The following ASIC2 variants were observed in gnomAD, a reference collection of about 807,000 sequenced individuals.
ASIC2 encodes acid sensing ion channel subunit 2.
ASIC2 carries 25 observed loss-of-function variants against 57.3 expected under a neutral mutation model. The observed-to-expected ratio is 0.44, with a 90% CI of 0.32 to 0.61. ASIC2 has a LOEUF of 0.61. ASIC2 is among the 20% of genes least tolerant of loss of function. The pLI is 0.06. For synonymous variants in ASIC2, 319 were observed against 307.5 expected (o/e 1.04, Z -0.39); for missense variants, 641 against 738.1 (o/e 0.87, Z 1.52).
intron 1 of ASIC2, among the ~76,000 whole-genome samples, chr17:34,129,523 T>C (rs116833418): frequency 0.016 from 2,389 of 152,322 alleles, 63 homozygotes; most frequent in African/African-American, 0.054. Context: ...TCCCATGTTA[T>C]ACCTGGAACT....
chr17:33,044,018 G>A (rs187602464), intron 3 of ASIC2, among the ~76,000 whole-genome samples: 2 of 152,320 alleles, frequency 1.3e-5, no homozygotes, highest in East Asian at 1.9e-4. Context: ...GGGAGAGAAT[G>A]TGATAAGAGC....
chr17:33,540,998 T>C (rs147336037), intron 1 of ASIC2, among the ~76,000 whole-genome samples: 1 of 152,320 alleles, frequency 6.6e-6, no homozygotes, highest in East Asian at 1.9e-4. Context: ...GAATCCTTCA[T>C]TACATTCGCC....
chr17:33,934,500 C>G (rs1916015037), intron 1 of ASIC2, among the ~76,000 whole-genome samples: 2 of 152,148 alleles, frequency 1.3e-5, no homozygotes, highest in African/African-American at 2.4e-5. Flanking sequence ...GTATTAAAAC[C>G]CAGCAGGATC....
At chr17:33,843,170 C>T (rs532849571) in intron 1 of ASIC2, among the ~76,000 whole-genome samples, 44 of 152,194 alleles carry the variant, frequency 2.9e-4, no homozygotes, top group African/African-American at 7.0e-4. Flanking sequence ...GTCTTTCTTC[C>T]GCTGGAATGT....
intron 1 of ASIC2, among the ~76,000 whole-genome samples, chr17:33,766,248 A>G (rs1202921282): frequency 6.6e-6 from 1 of 152,222 alleles, no homozygotes; most frequent in Non-Finnish European, 1.5e-5. Context: ...TGCCTAATTT[A>G]TGAGTTAAAC....
intron 1 of ASIC2, among the ~76,000 whole-genome samples, chr17:34,138,031 A>G (rs1435822888): frequency 6.6e-6 from 1 of 152,202 alleles, no homozygotes; most frequent in African/African-American, 2.4e-5. Flanking sequence ...CTGTTGAATT[A>G]TCTAATTATC....
intron 1 of ASIC2, among the ~76,000 whole-genome samples, chr17:33,516,971 A>C (rs979882367): frequency 6.6e-6 from 1 of 152,180 alleles, no homozygotes; most frequent in African/African-American, 2.4e-5. Flanking sequence ...TCGGTGCCGC[A>C]TGGGTCTGAG....
chr17:33,332,014 T>A (rs76604546), intron 1 of ASIC2, among the ~76,000 whole-genome samples: 9,505 of 152,336 alleles, frequency 0.062, 404 homozygotes, highest in Non-Finnish European at 0.093. Context: ...AGAACATTAG[T>A]GTTTTTTCAA....
At chr17:33,511,579 C>T (rs931295880) in intron 1 of ASIC2, among the ~76,000 whole-genome samples, 2 of 152,130 alleles carry the variant, frequency 1.3e-5, no homozygotes, top group Non-Finnish European at 2.9e-5. Flanking sequence ...TCCACCTTTT[C>T]GAAGGTGCCC....
chr17:33,579,043 T>C (rs954684486), intron 1 of ASIC2, among the ~76,000 whole-genome samples: 2 of 152,046 alleles, frequency 1.3e-5, no homozygotes, highest in Admixed American at 6.6e-5. Context: ...CCCAGCACTT[T>C]GGGAGGTCGA....
intron 1 of ASIC2, among the ~76,000 whole-genome samples, chr17:33,229,966 T>A (rs1908026903): frequency 6.6e-6 from 1 of 152,216 alleles, no homozygotes; most frequent in Non-Finnish European, 1.5e-5. Flanking sequence ...TTTCCAGACC[T>A]GAGTTGTCCT....
chr17:33,453,755 T>C (rs183635406), intron 1 of ASIC2, among the ~76,000 whole-genome samples: 31 of 152,324 alleles, frequency 2.0e-4, no homozygotes, highest in African/African-American at 7.5e-4. Context: ...CCAAATTTAC[T>C]TTGTTTCTTT....
chr17:34,075,546 G>A (rs978001660), intron 1 of ASIC2, among the ~76,000 whole-genome samples: 7 of 152,110 alleles, frequency 4.6e-5, no homozygotes, highest in African/African-American at 1.7e-4. Flanking sequence ...GGAAGGGAAG[G>A]GAGGAAGTGA....
intron 1 of ASIC2, chr17:33,541,320 G>A (rs2141969076): frequency 6.6e-6 from 1 of 152,176 alleles, no homozygotes; most frequent in South Asian, 2.1e-4. Flanking sequence ...TGTAGCCCTG[G>A]CCCCAATCTT....
chr17:33,089,070 G>A (rs1198886912), intron 2 of ASIC2, 80 bp from the exon 3 acceptor site: 3 of 1,571,246 alleles, frequency 1.9e-6, no homozygotes, highest in Non-Finnish European at 2.6e-6. Flanking sequence ...AAGCTCAAAG[G>A]GATGCTGAAA....
At chr17:33,749,089 G>A (rs531399633) in intron 1 of ASIC2, among the ~76,000 whole-genome samples, 3 of 152,226 alleles carry the variant, frequency 2.0e-5, no homozygotes, top group African/African-American at 4.8e-5. Flanking sequence ...TCCTGGGCAG[G>A]GGAGCAGGAA....
At chr17:34,107,194 G>A (rs978636449) in intron 1 of ASIC2, among the ~76,000 whole-genome samples, 1 of 151,846 alleles carries the variant, frequency 6.6e-6, no homozygotes, top group African/African-American at 2.4e-5. Context: ...TTTGACCCTC[G>A]GTATCATTTA....
chr17:33,444,895 C>A (rs1314189946), intron 1 of ASIC2, among the ~76,000 whole-genome samples: 1 of 152,190 alleles, frequency 6.6e-6, no homozygotes, highest in Admixed American at 6.5e-5. Flanking sequence ...CAGCTCATCA[C>A]TTGCTTTTGT....
At chr17:33,541,658 G>A (rs1915415230) in intron 1 of ASIC2, among the ~76,000 whole-genome samples, 1 of 152,140 alleles carries the variant, frequency 6.6e-6, no homozygotes, top group South Asian at 2.1e-4. Flanking sequence ...GGACTTTGGA[G>A]ATTTCTGGCT....
Sources: allele counts gnomAD v4.1 joint callset (sites outside exome capture counted in the v4.1 genomes callset), GRCh38; gene constraint gnomAD v4.1.1; transcripts MANE v1.5; gene names NCBI Gene and HGNC (gene_info 2026-07-23, HGNC 2026-07-21).